SERPINB9: variants seen among roughly 807,000 people sequenced by gnomAD.
SERPINB9 encodes the protein serpin family B member 9.
In SERPINB9, 20 loss-of-function variants were observed where a neutral mutation model predicts 27.2. The ratio of observed to expected loss-of-function variants is 0.74; its 90% confidence interval spans 0.52 to 1.07. The LOEUF (loss-of-function observed/expected upper bound fraction) is 1.07. Ranked by LOEUF, SERPINB9 falls within the 50% of genes least tolerant of loss-of-function variation. The pLI is 0.00. For synonymous variants in SERPINB9, 189 were observed against 180.0 expected, an observed-to-expected ratio of 1.05 and a Z score of -0.40; for missense variants, 476 against 460.1, an observed-to-expected ratio of 1.03 and a Z score of -0.32.
At position 2,890,044 on chromosome 6, in the gene SERPINB9, G is replaced by C; in HGVS notation, c.*119C>G. The C allele has an allele frequency of 1.1e-6, 1 of 889,512 alleles. No homozygotes were observed. The highest frequency in any genetic ancestry group is 1.7e-6 in the Non-Finnish European group (1 of 589,456). 55.1% of individuals were successfully genotyped at this position (889,512 alleles called of 1,614,324 possible). ...TGCTGGCAAATCATGAGGGCAGACAGGTAAAGAATCTGCCCTCATCTTTGC... is the reference window on the plus strand; with the variant it reads ...TGCTGGCAAATCATGAGGGCAGACACGTAAAGAATCTGCCCTCATCTTTGC... On this transcript the variant is annotated 3_prime_UTR_variant, in exon 7 of 7. Transcript: ENST00000380698. The surrounding 1 kb of genome is among the most constrained non-coding windows in gnomAD (Gnocchi z 6.2).
Position 2,891,959 on chromosome 6 carries a change from A to G in SERPINB9, c.597T>C (p.Tyr199=). The change falls in exon 6 of 7, where the codon TAT becomes TAC. Residue 199 remains tyrosine (Y), a synonymous_variant. Coordinates refer to ENST00000380698, the MANE Select transcript of SERPINB9 (RefSeq NM_004155.6). This position sits in a 1 kb window ranked among gnomAD's most constrained non-coding sequence, Gnocchi z 4.0. ...QEEQRPVQMM[Y]QEATFKLAHV... ...GGGCGAGCTTAAACGTGGCCTCCTG[A>G]TACATCATCTGCACTGGCCTTTGCT... 6.2e-7 allele frequency: 1 copy of G among 1,613,732 alleles called. No individual in the cohort carries two copies. Among genetic ancestry groups the G allele is most frequent in the Non-Finnish European group, 8.5e-7 (1 of 1,179,946 alleles).
In SERPINB9 at chr6:2,890,028, A is replaced by C. The variant is rs2113595969; in HGVS notation, c.*135T>G. 2.7e-6 allele frequency: 2 copies of C among 735,104 alleles called. No individual in the cohort carries two copies. Among genetic ancestry groups the C allele is most frequent in the South Asian group, 4.7e-5 (2 of 42,542 alleles). The allele number at this position is 735,104 out of a possible 1,614,324, so 45.5% of individuals were successfully genotyped here. ...GAGCATCATGAATTCATGCTGGCAA[A>C]TCATGAGGGCAGACAGGTAAAGAAT... On this transcript the variant is annotated 3_prime_UTR_variant, in exon 7 of 7. Transcript: ENST00000380698. The surrounding 1 kb of genome is among the most constrained non-coding windows in gnomAD (Gnocchi z 6.2).
chr6:2,902,307 C>T (rs557936250), intron 1 of SERPINB9, among the ~76,000 whole-genome samples: 8 of 152,356 alleles, frequency 5.3e-5, no homozygotes, highest in South Asian at 4.1e-4. Flanking sequence ...CAGCACGACC[C>T]TTCCTCCCGA....
Position 2,895,305 on chromosome 6 carries a change from G to T in SERPINB9, c.424+86C>A. 22 of 812,330 alleles carry T rather than the reference G, an allele frequency of 2.7e-5. No homozygotes were observed. The South Asian group carries it at 3.3e-4, about 12-fold the overall frequency. The allele number at this position is 812,330 out of a possible 1,614,324, so 50.3% of individuals were successfully genotyped here. A position where few individuals can be genotyped will look rare whatever the true frequency, so the allele number is the denominator to read the frequency against. ...ATAGGAGGGAGAGGAGGAGGAGAGA[G>T]GATATAAGAGGCGGGAAGGAGGAAT... On this transcript the variant is annotated intron_variant, in intron 4 of 6. Coordinates refer to ENST00000380698, the MANE Select transcript of SERPINB9 (RefSeq NM_004155.6).
intron 1 of SERPINB9, among the ~76,000 whole-genome samples, chr6:2,900,885 T>TCTCTCTCACACACACACA (rs61100591): frequency 1.0e-3 from 143 of 141,572 alleles, no homozygotes; most frequent in African/African-American, 2.9e-3. Flanking sequence ...GCTCGCTCTC[T>TCTCTCTCACACACACACA]CACACACACA....
chr6:2,892,104 CTAAAAAAAA>C, intron 5 of SERPINB9, 116 bp from the exon 6 acceptor site: 27 of 79,152 alleles, frequency 3.4e-4, no homozygotes, highest in East Asian at 1.1e-3. Context: ...CCAGTTAACA[CTAAAAAAAA>C]AAAAAAAAAA....
At chr6:2,892,138 T>TAAAAAAAAAAAAAAAA (rs1767831514) in intron 5 of SERPINB9, 150 bp from the exon 6 acceptor site, 2 of 627,428 alleles carry the variant, frequency 3.2e-6, no homozygotes, top group African/African-American at 7.5e-5. Context: ...AAAAAAAAAG[T>TAAAAAAAAAAAAAAAA]CAACCAGTTC....
intron 5 of SERPINB9, 137 bp downstream of exon 5, chr6:2,893,274 T>TA (rs1282869614): frequency 1.5e-6 from 1 of 687,708 alleles, no homozygotes; most frequent in Admixed American, 3.5e-5. Flanking sequence ...TCTACTGAGT[T>TA]AAGAAATTCA....
intron 2 of SERPINB9, among the ~76,000 whole-genome samples, chr6:2,898,475 A>G (rs1469825816): frequency 1.3e-5 from 2 of 152,246 alleles, no homozygotes; most frequent in Non-Finnish European, 2.9e-5. Flanking sequence ...AATCATTTAT[A>G]AAAGTAAAGA....
rs1385973195 is a variant in SERPINB9 at position 2,896,169 on chromosome 6, CCT to C, written c.188_189del (p.Glu63GlyfsTer13). ...QMAQALSLNT[E>X]EDIHRAFQSL... Reference sequence around the variant, plus strand: ...GACTGGAAAGCCCGATGAATGTCTTCCTCTGTGTTTAAAGACAGTGCCTGTTG... The same window carrying C: ...GACTGGAAAGCCCGATGAATGTCTTCCTGTGTTTAAAGACAGTGCCTGTTG... On this transcript the variant is annotated frameshift_variant, in exon 3 of 7. Coordinates refer to ENST00000380698, the MANE Select transcript of SERPINB9 (RefSeq NM_004155.6). LOFTEE classifies it high-confidence loss of function. 1 of 1,613,874 alleles carries C rather than the reference CCT, an allele frequency of 6.2e-7. No individual in the cohort carries two copies. The highest frequency in any genetic ancestry group is 8.5e-7 in the Non-Finnish European group (1 of 1,179,900).
rs143472707 is a variant in SERPINB9, at chr6:2,900,335, G to A, written c.168+109C>T. 6,823 of 1,373,056 alleles carry A rather than the reference G, an allele frequency of 5.0e-3. 17 individuals carry two copies. Among genetic ancestry groups the A allele is most frequent in the Non-Finnish European group, 5.5e-3 (5,456 of 1,000,378 alleles). 85.1% of individuals were successfully genotyped at this position (1,373,056 alleles called of 1,614,324 possible). A position where few individuals can be genotyped will look rare whatever the true frequency, so the allele number is the denominator to read the frequency against. ...CCTGAAACGGCCAGTGCACACTCGG[G>A]CCCCAGTCCTGCCCTCCTTTCTCAG... On this transcript the variant is annotated intron_variant, in intron 2 of 6. Transcript: ENST00000380698.
Position 2,891,941 on chromosome 6 carries a change from C to T in SERPINB9, c.615G>A (p.Lys205=), listed in dbSNP as rs1209989341. ...CGCGCACCTCGCCCACGTGGGCGAGCTTAAACGTGGCCTCCTGATACATCA... is the reference window on the plus strand; with the variant it reads ...CGCGCACCTCGCCCACGTGGGCGAGTTTAAACGTGGCCTCCTGATACATCA... ...VQMMYQEATF[K]LAHVGEVRAQ... Residue 205 remains lysine, a synonymous_variant, in exon 6 of 7, where the codon AAG becomes AAA. Coordinates refer to ENST00000380698, the MANE Select transcript of SERPINB9 (RefSeq NM_004155.6). The surrounding 1 kb of genome is among the most constrained non-coding windows in gnomAD (Gnocchi z 4.0). 1 of 1,613,542 alleles carries T rather than the reference C, an allele frequency of 6.2e-7. No individual in the cohort carries two copies. The highest frequency in any genetic ancestry group is 1.7e-5 in the Admixed American group (1 of 60,004).
At chr6:2,896,790 C>T (rs1400415370) in intron 2 of SERPINB9, among the ~76,000 whole-genome samples, 1 of 152,182 alleles carries the variant, frequency 6.6e-6, no homozygotes, top group Non-Finnish European at 1.5e-5. Flanking sequence ...AAATCACCTA[C>T]AAAATATTAC....
At position 2,891,907 on chromosome 6, in the gene SERPINB9, G is replaced by C. The variant is rs1339232062; in HGVS notation, c.649C>G (p.Leu217Val). 6.2e-7 allele frequency: 1 copy of C among 1,613,112 alleles called. No individual in the cohort carries two copies. Among genetic ancestry groups the C allele is most frequent in the Admixed American group, 1.7e-5 (1 of 59,990 alleles). Residue 217 changes from leucine to valine, a missense_variant, in exon 6 of 7, where the codon CTG (leucine) becomes GTG (valine). By Grantham distance (32) the Leu-to-Val change is conservative. Transcript: ENST00000380698. The surrounding 1 kb of genome is among the most constrained non-coding windows in gnomAD (Gnocchi z 4.0). ...AHVGEVRAQL[L>V]ELPYARKELS... is the part of the protein sequence containing the mutation. Reference sequence around the variant, plus strand: ...TCCTTCCTGGCGTAGGGCAGCTCCAGCAGCTGCGCGCGCACCTCGCCCACG... The same window carrying C: ...TCCTTCCTGGCGTAGGGCAGCTCCACCAGCTGCGCGCGCACCTCGCCCACG...
rs772595818 is a variant in SERPINB9 at position 2,893,427 on chromosome 6, G to T, written c.551C>A (p.Pro184His). The change falls in exon 5 of 7, where the codon CCC becomes CAC. Residue 184 changes from proline to histidine, a missense_variant. Transcript: ENST00000380698. ...PFDETYTREMPFKINQEEQRP... is the reference protein window; with the variant it reads ...PFDETYTREMHFKINQEEQRP... ...TTCCCCCACCTGGTTTATTTTAAAG[G>T]GCATTTCCCTTGTGTATGTTTCGTC... 8.1e-6 allele frequency: 13 copies of T among 1,608,968 alleles called. No individual in the cohort carries two copies. In the South Asian group the frequency reaches 1.2e-4, roughly 15 times the overall value.
intron 5 of SERPINB9, among the ~76,000 whole-genome samples, 192 bp downstream of exon 5, chr6:2,893,219 A>G (rs1767881256): frequency 1.4e-5 from 2 of 145,100 alleles, no homozygotes; most frequent in African/African-American, 2.5e-5. Flanking sequence ...ATACGTATAT[A>G]TAATATATAT....
chr6:2,894,737 C>T lies in SERPINB9; in HGVS notation c.424+654G>A, dbSNP rs2113607419. 6.6e-6 allele frequency among the ~76,000 whole-genome samples: 1 copy of T among 152,204 alleles called. No individual in the cohort carries two copies. The highest frequency in any genetic ancestry group is 1.9e-4 in the East Asian group (1 of 5,180). On this transcript the variant is annotated intron_variant, in intron 4 of 6. Transcript: ENST00000380698. This position sits in a 1 kb window ranked among gnomAD's most constrained non-coding sequence, Gnocchi z 4.7. ...GCAAGTTATTAAACTGGAAACCTGG[C>T]CTGAGATTCTTTTGACATTTGTTTT...
intron 4 of SERPINB9, among the ~76,000 whole-genome samples, 171 bp downstream of exon 4, chr6:2,895,220 C>T (rs1056138605): frequency 4.6e-5 from 7 of 152,016 alleles, no homozygotes; most frequent in Non-Finnish European, 8.8e-5. Flanking sequence ...ATCTGAAACA[C>T]CCGTGAAATT....
In SERPINB9 at chr6:2,895,008, C is replaced by T. The variant is rs541746333; in HGVS notation, c.424+383G>A. ...CTGACCTCAAGTGATATGTCCACTT[C>T]GGCCTTCTAAATTGCTGGGATTACA... On this transcript the variant is annotated intron_variant, in intron 4 of 6. Transcript: ENST00000380698. Among the ~76,000 whole-genome samples, 15 of 152,178 alleles carry T rather than the reference C, an allele frequency of 9.9e-5. No homozygotes were observed. The East Asian group carries it at 2.1e-3, about 22-fold the overall frequency.
Sources: gnomAD v4.1 joint callset for allele counts (sites outside exome capture counted in the v4.1 genomes callset) on GRCh38, gnomAD v4.1.1 for gene constraint, Gnocchi (gnomAD v3.1) non-coding constraint, MANE v1.5 for transcripts, NCBI Gene and HGNC (gene_info 2026-07-23, HGNC 2026-07-21) for gene names.